C14orf39: variants seen among roughly 807,000 people sequenced by gnomAD.
The protein encoded by C14orf39 is chromosome 14 open reading frame 39, also known as protein SIX6OS1.
A neutral mutation model predicts 85.6 loss-of-function variants in C14orf39; 66 were observed. The ratio of observed to expected loss-of-function variants is 0.77; its 90% CI spans 0.63 to 0.95. The LOEUF (loss-of-function observed/expected upper bound fraction) is 0.95. Ranked by LOEUF, C14orf39 falls within the 40% of genes least tolerant of loss-of-function variation. C14orf39 has a pLI of 0.00. For synonymous variants in C14orf39, 242 were observed against 214.0 expected, an observed-to-expected ratio of 1.13 and a Z score of -1.14; for missense variants, 735 against 663.9, an observed-to-expected ratio of 1.11 and a Z score of -1.18.
intron 5 of C14orf39, among the ~76,000 whole-genome samples, chr14:60,474,186 C>T (rs182131260): frequency 7.2e-5 from 11 of 152,142 alleles, no homozygotes; most frequent in Admixed American, 5.9e-4. Context: ...GGAGTTCACT[C>T]GTGATTTGGC....
At chr14:60,441,466 A>C (rs1218961539) in intron 17 of C14orf39, among the ~76,000 whole-genome samples, 2 of 152,204 alleles carry the variant, frequency 1.3e-5, no homozygotes, top group Non-Finnish European at 2.9e-5. Flanking sequence ...TATTAGATTT[A>C]AAATCATAAT....
At chr14:60,446,152 G>A (rs1254329) in intron 16 of C14orf39, among the ~76,000 whole-genome samples, 27,058 of 151,998 alleles carry the variant, frequency 0.18, 4,028 homozygotes, top group African/African-American at 0.4. Context: ...AATTAAAAGA[G>A]CTAGAGGAGC....
chr14:60,503,052 G>A (rs1422348182), intron 1 of C14orf39, among the ~76,000 whole-genome samples: 1 of 152,194 alleles, frequency 6.6e-6, no homozygotes, highest in African/African-American at 2.4e-5. Flanking sequence ...TGGAAGACCT[G>A]ACAAAAGAGT....
At chr14:60,480,249 C>G (rs1191681991) in intron 4 of C14orf39, among the ~76,000 whole-genome samples, 1 of 152,086 alleles carries the variant, frequency 6.6e-6, no homozygotes, top group Admixed American at 6.6e-5. Flanking sequence ...TGGTGAAACC[C>G]TGTCTCTATT....
intron 17 of C14orf39, among the ~76,000 whole-genome samples, chr14:60,437,432 T>C (rs889635209): frequency 6.6e-6 from 1 of 152,028 alleles, no homozygotes; most frequent in Non-Finnish European, 1.5e-5. Flanking sequence ...AATAAAGATG[T>C]ATTAAGTGGA....
Position 60,483,827 on chromosome 14 carries a change from GAA to G in C14orf39, c.107-12_107-11del. 1 of 1,470,826 alleles carries G rather than the reference GAA, an allele frequency of 6.8e-7. No homozygotes were observed. The highest frequency in any genetic ancestry group is 9.3e-7 in the Non-Finnish European group (1 of 1,072,262). 91.1% of individuals were successfully genotyped at this position (1,470,826 alleles called of 1,614,324 possible). ...ATATCTTCACAGCATTCTACAAAGAGAAAATGTTTATTTTCTTAATGTAGAAA... is the reference window on the plus strand; with the variant it reads ...ATATCTTCACAGCATTCTACAAAGAGAATGTTTATTTTCTTAATGTAGAAA... On this transcript the variant is annotated splice_polypyrimidine_tract_variant and intron_variant, in intron 3 of 17. Coordinates refer to ENST00000321731, the MANE Select transcript of C14orf39 (RefSeq NM_174978.3).
intron 15 of C14orf39, among the ~76,000 whole-genome samples, chr14:60,456,030 G>A (rs1367169813): frequency 6.6e-6 from 1 of 152,008 alleles, no homozygotes; most frequent in Admixed American, 6.6e-5. Context: ...GTTCCATTTC[G>A]AATGTGCTGT....
intron 16 of C14orf39, among the ~76,000 whole-genome samples, chr14:60,444,355 A>G (rs995651442): frequency 4.6e-5 from 7 of 152,140 alleles, no homozygotes; most frequent in Admixed American, 1.3e-4. Flanking sequence ...AAGACTTTAA[A>G]TGGCCTGATG....
intron 15 of C14orf39, among the ~76,000 whole-genome samples, chr14:60,456,131 C>T (rs905723735): frequency 3.3e-5 from 5 of 151,996 alleles, no homozygotes; most frequent in South Asian, 2.1e-4. Flanking sequence ...CAAAACAACC[C>T]TGATGCAGTG....
At chr14:60,501,306 CAAAAAAAAA>C (rs66800067) in intron 1 of C14orf39, among the ~76,000 whole-genome samples, 2 of 105,620 alleles carry the variant, frequency 1.9e-5, no homozygotes, top group African/African-American at 3.9e-5. Context: ...ACCCTGTCTC[CAAAAAAAAA>C]AAAAAAAAAA....
At chr14:60,456,775 T>C (rs1172333511) in intron 15 of C14orf39, 142 bp downstream of exon 15, 4 of 636,894 alleles carry the variant, frequency 6.3e-6, no homozygotes, top group Non-Finnish European at 1.0e-5. Flanking sequence ...GTGTGTTATA[T>C]TAGTCTTTCT....
intron 1 of C14orf39, among the ~76,000 whole-genome samples, chr14:60,510,424 A>G (rs1245754053): frequency 6.6e-6 from 1 of 152,144 alleles, no homozygotes; most frequent in Admixed American, 6.5e-5. Context: ...CTTTGAAAAC[A>G]GTTTTCAATG....
intron 14 of C14orf39, among the ~76,000 whole-genome samples, chr14:60,458,105 T>C (rs1314594882): frequency 1.3e-5 from 2 of 152,062 alleles, no homozygotes; most frequent in African/African-American, 4.8e-5. Context: ...CCTTAAATAT[T>C]TGTCTTTTCT....
intron 17 of C14orf39, among the ~76,000 whole-genome samples, chr14:60,439,843 G>A (rs989636742): frequency 6.6e-6 from 1 of 152,242 alleles, no homozygotes; most frequent in African/African-American, 2.4e-5. Context: ...GGAGGCCGAG[G>A]CGGGTGGATC....
intron 16 of C14orf39, among the ~76,000 whole-genome samples, chr14:60,454,588 A>G (rs1891182353): frequency 6.6e-6 from 1 of 152,064 alleles, no homozygotes; most frequent in Non-Finnish European, 1.5e-5. Flanking sequence ...ACTGAACAGT[A>G]GAAACCAATA....
upstream of C14orf39, among the ~76,000 whole-genome samples, chr14:60,489,401 A>T (rs558081832): frequency 6.6e-6 from 1 of 152,366 alleles, no homozygotes; most frequent in African/African-American, 2.4e-5. Context: ...AATAACTCCA[A>T]CATCATGGAA....
chr14:60,500,718 A>G (rs139509681), intron 1 of C14orf39, among the ~76,000 whole-genome samples: 3,514 of 152,338 alleles, frequency 0.023, 55 homozygotes, highest in Middle Eastern at 0.037. Context: ...GTCTCTGTGC[A>G]TAGAGAAAAA....
chr14:60,455,108 C>T lies in C14orf39; in HGVS notation c.1396G>A (p.Glu466Lys), dbSNP rs1305335490. ...NRNAVPEVQT[E>K]KESPGLSFLM... is the part of the protein sequence containing the mutation. ...AAAGAAAGTCCAGGGGATTCCTTTT[C>T]TGTTTGAACTTCAGGTACTGCATTT... The change falls in exon 16 of 18, where the codon GAA (glutamate) becomes AAA (lysine). Residue 466 changes from glutamate to lysine, a missense_variant. By Grantham distance (56) the Glu-to-Lys change is moderately conservative. Transcript: ENST00000321731. 1 of 1,568,040 alleles carries T rather than the reference C, an allele frequency of 6.4e-7. No individual in the cohort carries two copies.
chr14:60,437,285 A>G (rs138670885), intron 17 of C14orf39, among the ~76,000 whole-genome samples: 2,283 of 152,104 alleles, frequency 0.015, 55 homozygotes, highest in African/African-American at 0.053. Context: ...CTAGTATATA[A>G]AGAACTAGTA....
Sources: gnomAD v4.1 joint callset for allele counts (sites outside exome capture counted in the v4.1 genomes callset) on GRCh38, gnomAD v4.1.1 for gene constraint, MANE v1.5 for transcripts, NCBI Gene and HGNC (gene_info 2026-07-23, HGNC 2026-07-21) for gene names.